The following FHOD3 variants were observed in gnomAD, a reference collection of about 807,000 sequenced individuals.
The protein encoded by FHOD3 is formin homology 2 domain containing 3.
Under a neutral mutation model 173.0 loss-of-function variants are expected in FHOD3, and 90 were observed. That is an observed-to-expected ratio of 0.52 (90% confidence interval 0.44 to 0.62). The LOEUF is 0.62. Ranked by LOEUF, FHOD3 falls within the 20% of genes least tolerant of loss-of-function variation. The pLI, the probability that FHOD3 is intolerant of heterozygous loss-of-function variation, is 0.00. For missense variants in FHOD3, 1,945 were observed against 2,034.7 expected, an observed-to-expected ratio of 0.96 and a Z score of 0.85; for synonymous variants, 828 against 823.0, an observed-to-expected ratio of 1.01 and a Z score of -0.10.
chr18:36,674,010 C>T (rs1427424852), intron 14 of FHOD3, among the ~76,000 whole-genome samples: 1 of 152,210 alleles, frequency 6.6e-6, no homozygotes, highest in Non-Finnish European at 1.5e-5. Flanking sequence ...TACCTCTCCA[C>T]CTCACATATG....
chr18:36,709,081 G>A lies in FHOD3; in HGVS notation c.2237-14G>A. ...ATCTGTCGTCAATATAATCTCCATT[G>A]TTGTCTCCACCAGCAAGTGCCGGGG... On this transcript the variant is annotated splice_polypyrimidine_tract_variant and intron_variant, in intron 17 of 28. Transcript: ENST00000590592. 1 of 1,610,046 alleles carries A rather than the reference G, an allele frequency of 6.2e-7. No individual in the cohort carries two copies. The highest frequency in any genetic ancestry group is 1.1e-5 in the South Asian group (1 of 90,894).
chr18:36,298,126 C>A, intron 1 of FHOD3, 126 bp downstream of exon 1: 1 of 802,308 alleles, frequency 1.2e-6, no homozygotes, highest in Non-Finnish European at 1.8e-6. Flanking sequence ...GGGACCATCG[C>A]TCGAGGGCAA....
chr18:36,675,703 A>G (rs1423000181), intron 14 of FHOD3, among the ~76,000 whole-genome samples: 1 of 152,198 alleles, frequency 6.6e-6, no homozygotes, highest in Non-Finnish European at 1.5e-5. Flanking sequence ...GGGAGCACGG[A>G]GACTAGCATA....
chr18:36,538,393 A>C (rs565404579), intron 5 of FHOD3, among the ~76,000 whole-genome samples: 5 of 152,356 alleles, frequency 3.3e-5, no homozygotes, highest in African/African-American at 1.2e-4. Flanking sequence ...TGATTGTTTG[A>C]AAAGATTAAT....
chr18:36,732,512 G>A (rs2041417123), intron 20 of FHOD3, among the ~76,000 whole-genome samples: 1 of 152,188 alleles, frequency 6.6e-6, no homozygotes, highest in South Asian at 2.1e-4. Flanking sequence ...ATCCAGGTGT[G>A]TTCTCTGTCT....
At chr18:36,674,864 G>A (rs368033403) in intron 14 of FHOD3, among the ~76,000 whole-genome samples, 7 of 152,182 alleles carry the variant, frequency 4.6e-5, no homozygotes, top group African/African-American at 1.7e-4. Flanking sequence ...ATGCAAAGAA[G>A]AGGAAGACTT....
At chr18:36,650,468 A>G (rs1176718873) in intron 11 of FHOD3, among the ~76,000 whole-genome samples, 1 of 152,198 alleles carries the variant, frequency 6.6e-6, no homozygotes, top group Non-Finnish European at 1.5e-5. Flanking sequence ...AGCCAGCAGG[A>G]TGTGGAGAGA....
intron 1 of FHOD3, among the ~76,000 whole-genome samples, chr18:36,322,029 T>C (rs1370119291): frequency 6.6e-6 from 1 of 151,984 alleles, no homozygotes; most frequent in Non-Finnish European, 1.5e-5. Context: ...GGAGTATGAA[T>C]TTGTGTGGTT....
At chr18:36,431,424 G>A (rs2050544491) in intron 3 of FHOD3, among the ~76,000 whole-genome samples, 1 of 152,210 alleles carries the variant, frequency 6.6e-6, no homozygotes, top group Admixed American at 6.5e-5. Flanking sequence ...ACATGGGTGT[G>A]CAAGCCTGTT....
intron 11 of FHOD3, among the ~76,000 whole-genome samples, chr18:36,649,662 T>A (rs2035921909): frequency 6.6e-6 from 1 of 152,196 alleles, no homozygotes; most frequent in Non-Finnish European, 1.5e-5. Flanking sequence ...GGTTTTCTCC[T>A]CACCTTTCCC....
intron 3 of FHOD3, among the ~76,000 whole-genome samples, chr18:36,468,177 C>T (rs1463233598): frequency 1.3e-5 from 2 of 152,168 alleles, no homozygotes; most frequent in African/African-American, 4.8e-5. Flanking sequence ...AGGTGCATCC[C>T]CACAGGGACC....
chr18:36,774,648 C>T (rs541388306), intron 28 of FHOD3, among the ~76,000 whole-genome samples: 7 of 152,088 alleles, frequency 4.6e-5, no homozygotes, highest in African/African-American at 7.2e-5. Context: ...TGGGTTTTAT[C>T]GCTTCAACGT....
intron 3 of FHOD3, among the ~76,000 whole-genome samples, chr18:36,380,578 TTTTCCTTTCCTTTCC>T (rs71381571): frequency 0.036 from 1,901 of 52,378 alleles, 42 homozygotes; most frequent in African/African-American, 0.089. Context: ...TTTTCTTTTC[TTTTCCTTTCCTTTCC>T]TTTCCTTTCC....
intron 3 of FHOD3, among the ~76,000 whole-genome samples, chr18:36,432,201 G>T (rs2050584135): frequency 6.6e-6 from 1 of 152,082 alleles, no homozygotes; most frequent in African/African-American, 2.4e-5. Context: ...CTTTATTTTT[G>T]CCCGTGTTGT....
intron 3 of FHOD3, among the ~76,000 whole-genome samples, chr18:36,457,808 G>C (rs537427973): frequency 6.6e-6 from 1 of 152,326 alleles, no homozygotes; most frequent in South Asian, 2.1e-4. Context: ...CCTGGAAATA[G>C]TCTAAGGCAG....
chr18:36,407,071 A>T (rs1017451895), intron 3 of FHOD3, among the ~76,000 whole-genome samples: 4 of 152,218 alleles, frequency 2.6e-5, no homozygotes, highest in South Asian at 2.1e-4. Flanking sequence ...TGGTAAAGAT[A>T]TGCCTGCTGT....
At chr18:36,631,857 C>T (rs1368520003) in intron 10 of FHOD3, among the ~76,000 whole-genome samples, 1 of 152,142 alleles carries the variant, frequency 6.6e-6, no homozygotes, top group African/African-American at 2.4e-5. Flanking sequence ...ATGGACACTG[C>T]TGTATTTATT....
At chr18:36,754,257 A>G (rs576342235) in intron 24 of FHOD3, among the ~76,000 whole-genome samples, 13 of 152,312 alleles carry the variant, frequency 8.5e-5, no homozygotes, top group Non-Finnish European at 1.9e-4. Flanking sequence ...ATTTTAAAAA[A>G]TCCATATTCA....
intron 9 of FHOD3, among the ~76,000 whole-genome samples, chr18:36,619,609 T>C (rs896089265): frequency 4.6e-5 from 7 of 152,248 alleles, no homozygotes; most frequent in African/African-American, 1.7e-4. Context: ...CATTTGCTTG[T>C]CTATTACTTT....
Sources: gnomAD v4.1 joint callset for allele counts (sites outside exome capture counted in the v4.1 genomes callset) on GRCh38, gnomAD v4.1.1 for gene constraint, MANE v1.5 for transcripts, NCBI Gene and HGNC (gene_info 2026-07-23, HGNC 2026-07-21) for gene names.